C7: variants seen among roughly 807,000 people sequenced by gnomAD.
C7 encodes complement C7, also known as complement component C7.
In C7, 83 loss-of-function variants were observed where a neutral mutation model predicts 104.8. The ratio of observed to expected loss-of-function variants is 0.79; its 90% CI spans 0.66 to 0.95. The LOEUF (loss-of-function observed/expected upper bound fraction) is 0.95. Among genes scored for constraint, C7 ranks in the 40% least tolerant of loss-of-function variants. The pLI, the probability that C7 is intolerant of heterozygous loss-of-function variation, is 0.00. For synonymous variants in C7, 415 were observed against 360.6 expected (o/e 1.15, Z -1.71); for missense variants, 1,070 against 1,011.2 (o/e 1.06, Z -0.79).
rs558267679 is a variant in C7 at position 40,962,277 on chromosome 5, T to C, written c.1749+105T>C. 8.6e-6 allele frequency: 5 copies of C among 584,692 alleles called. No individual in the cohort carries two copies. In the African/African-American group the frequency reaches 9.3e-5, roughly 11 times the overall value. The allele number at this position is 584,692 out of a possible 1,614,324, so 36.2% of individuals were successfully genotyped here. A position where few individuals can be genotyped will look rare whatever the true frequency, so the allele number is the denominator to read the frequency against. Reference sequence around the variant, plus strand: ...CTCCATGGTGAAGCCGTGCCAAAAATATTTTATATATGCATTTTAGTTTTA... The same window carrying C: ...CTCCATGGTGAAGCCGTGCCAAAAACATTTTATATATGCATTTTAGTTTTA... On this transcript the variant is annotated intron_variant, in intron 13 of 17. Coordinates refer to ENST00000313164, the MANE Select transcript of C7 (RefSeq NM_000587.4).
chr5:40,919,385 A>C (rs926172621), intron 1 of C7, among the ~76,000 whole-genome samples: 33 of 152,122 alleles, frequency 2.2e-4, no homozygotes, highest in South Asian at 2.1e-4. Flanking sequence ...TTGGCCTCCC[A>C]AAGTGCTGGG....
At chr5:40,974,248 TAAATTTGCTTTTA>T (rs968217466) in intron 15 of C7, among the ~76,000 whole-genome samples, 1 of 152,160 alleles carries the variant, frequency 6.6e-6, no homozygotes, top group Non-Finnish European at 1.5e-5. Context: ...TTGATGGGAA[TAAATTTGCTTTTA>T]AAATAGCAAA....
chr5:40,980,213 T>C (rs982372344), intron 17 of C7: 2 of 241,900 alleles, frequency 8.3e-6, no homozygotes, highest in Middle Eastern at 1.3e-3. Context: ...GTGTACTCAT[T>C]TTTTAAAAGT....
At chr5:40,951,155 T>A (rs1332125838) in intron 9 of C7, among the ~76,000 whole-genome samples, 1 of 152,218 alleles carries the variant, frequency 6.6e-6, no homozygotes. Context: ...ATTTGGTGAT[T>A]AAGACTTAGT....
At chr5:40,941,664 C>T (rs865812603) in intron 6 of C7, among the ~76,000 whole-genome samples, 3 of 151,944 alleles carry the variant, frequency 2.0e-5, no homozygotes, top group South Asian at 2.1e-4. Context: ...ACTTGGTGAG[C>T]GGCTGAATGC....
At chr5:40,938,661 C>T (rs1382957877) in intron 6 of C7, among the ~76,000 whole-genome samples, 1 of 152,142 alleles carries the variant, frequency 6.6e-6, no homozygotes, top group Non-Finnish European at 1.5e-5. Flanking sequence ...CACATGCTTG[C>T]CAACGTTGGT....
At chr5:40,951,770 T>C (rs1244743138) in intron 9 of C7, among the ~76,000 whole-genome samples, 2 of 152,168 alleles carry the variant, frequency 1.3e-5, no homozygotes, top group Non-Finnish European at 2.9e-5. Context: ...CACTGACCCA[T>C]GTGTCATGGT....
chr5:40,938,551 T>C (rs1739863764), intron 6 of C7, among the ~76,000 whole-genome samples: 1 of 152,222 alleles, frequency 6.6e-6, no homozygotes, highest in African/African-American at 2.4e-5. Flanking sequence ...CTCAAATTGC[T>C]ACCTCATAGG....
rs778786947 is a variant in C7, at chr5:40,964,728, T to A, written c.1750-13T>A. On this transcript the variant is annotated splice_polypyrimidine_tract_variant and intron_variant, in intron 13 of 17. Coordinates refer to ENST00000313164, the MANE Select transcript of C7 (RefSeq NM_000587.4). ...ACAAACTCTTTCCTTTTCCATCTTT[T>A]ACTTTTGTTTAGGATGAAGGTACAA... 3.1e-6 allele frequency: 5 copies of A among 1,609,166 alleles called. No homozygotes were observed. In the African/African-American group the frequency reaches 6.7e-5, roughly 22 times the overall value.
At position 40,958,229 on chromosome 5, in the gene C7, G is replaced by A; in HGVS notation, c.1457G>A (p.Cys486Tyr). 6.2e-7 allele frequency: 1 copy of A among 1,611,552 alleles called. No homozygotes were observed. The highest frequency in any genetic ancestry group is 8.5e-7 in the Non-Finnish European group (1 of 1,178,440). ...HCKPYTFGAA[C>Y]EQGVLVGNQA... The stretch of plus-strand genomic sequence containing the variant: ...AAACCGTACACATTTGGTGCGGCGT[G>A]TGAGCAAGGAGTCCTCGTAGGGAAT... The change falls in exon 11 of 18, where the codon TGT (cysteine) becomes TAT (tyrosine). Residue 486 changes from cysteine to tyrosine, a missense_variant. By Grantham distance (194) the Cys-to-Tyr change is radical (BLOSUM62 -2). Coordinates refer to ENST00000313164, the MANE Select transcript of C7 (RefSeq NM_000587.4).
At chr5:40,974,285 G>A (rs952868336) in intron 15 of C7, among the ~76,000 whole-genome samples, 3 of 151,700 alleles carry the variant, frequency 2.0e-5, no homozygotes, top group African/African-American at 7.3e-5. Context: ...ACATACTTTC[G>A]GTGGGCCTTA....
chr5:40,959,580 G>A lies in C7; in HGVS notation c.1621G>A (p.Glu541Lys), dbSNP rs754376639. 4.4e-6 allele frequency: 7 copies of A among 1,608,080 alleles called. No individual in the cohort carries two copies. Among genetic ancestry groups the A allele is most frequent in the Non-Finnish European group, 1.7e-6 (2 of 1,178,018 alleles). ...GGRSCVGETT[E>K]STQCEDEELE... Reference sequence around the variant, plus strand: ...GAGATCCTGCGTTGGAGAAACGACAGAAAGCACACAATGCGAAGATGAGGA... The same window carrying A: ...GAGATCCTGCGTTGGAGAAACGACAAAAAGCACACAATGCGAAGATGAGGA... The change falls in exon 12 of 18, where the codon GAA becomes AAA. Residue 541 changes from glutamate (E) to lysine (K), a missense_variant. Coordinates refer to ENST00000313164, the MANE Select transcript of C7 (RefSeq NM_000587.4).
intron 4 of C7, among the ~76,000 whole-genome samples, chr5:40,935,518 G>C (rs935318557): frequency 6.6e-6 from 1 of 152,160 alleles, no homozygotes; most frequent in Non-Finnish European, 1.5e-5. Flanking sequence ...TTTTCAAGAG[G>C]AGATAATGTT....
intron 14 of C7, 120 bp downstream of exon 14, chr5:40,964,993 C>A: frequency 8.7e-7 from 1 of 1,145,852 alleles, no homozygotes; most frequent in South Asian, 1.4e-5. Flanking sequence ...GTAAGGCTGA[C>A]ATGATCCTGT....
At chr5:40,965,044 C>T (rs1472328608) in intron 14 of C7, among the ~76,000 whole-genome samples, 171 bp downstream of exon 14, 1 of 152,174 alleles carries the variant, frequency 6.6e-6, no homozygotes, top group Non-Finnish European at 1.5e-5. Context: ...TCCGCCTTCT[C>T]TAGTTGGTAA....
rs770403301 is a variant in C7, at chr5:40,936,376, T to A, written c.319T>A (p.Ser107Thr). 6.2e-7 allele frequency: 1 copy of A among 1,613,440 alleles called. No homozygotes were observed. The highest frequency in any genetic ancestry group is 1.1e-5 in the South Asian group (1 of 91,046). Reference sequence around the variant, plus strand: ...CAAATCATTGGTTTGCAATGGGGATTCTGACTGTGATGAAGACAGTGCTGA... The same window carrying A: ...CAAATCATTGGTTTGCAATGGGGATACTGACTGTGATGAAGACAGTGCTGA... ...ISKSLVCNGDSDCDEDSADED... is the reference protein window; with the variant it reads ...ISKSLVCNGDTDCDEDSADED... Residue 107 changes from serine to threonine, a missense_variant, in exon 5 of 18, where the codon TCT (serine) becomes ACT (threonine). By Grantham distance (58) the Ser-to-Thr change is moderately conservative. Coordinates refer to ENST00000313164, the MANE Select transcript of C7 (RefSeq NM_000587.4).
At chr5:40,969,194 T>A (rs1310759400) in intron 14 of C7, among the ~76,000 whole-genome samples, 1 of 152,160 alleles carries the variant, frequency 6.6e-6, no homozygotes, top group East Asian at 1.9e-4. Flanking sequence ...AAGCGATGTT[T>A]TGATATGTGT....
At chr5:40,974,769 G>C (rs1740778770) in intron 15 of C7, among the ~76,000 whole-genome samples, 1 of 152,172 alleles carries the variant, frequency 6.6e-6, no homozygotes, top group Admixed American at 6.5e-5. Flanking sequence ...TTCAGGATTT[G>C]TCCTAAAGTA....
At chr5:40,979,666 C>G in intron 16 of C7, 59 bp from the exon 17 acceptor site, 1 of 1,434,356 alleles carries the variant, frequency 7.0e-7, no homozygotes, top group Non-Finnish European at 9.6e-7. Flanking sequence ...TTTCATTTCT[C>G]CTTCTCAGCT....
Sources: gnomAD v4.1 joint callset for allele counts (sites outside exome capture counted in the v4.1 genomes callset) on GRCh38, gnomAD v4.1.1 for gene constraint, MANE v1.5 for transcripts, NCBI Gene and HGNC (gene_info 2026-07-23, HGNC 2026-07-21) for gene names.